The following RUFY3 variants were observed in gnomAD, a reference collection of about 807,000 sequenced individuals.
RUFY3 encodes the protein protein RUFY3.
In RUFY3, 34 loss-of-function variants were observed where a neutral mutation model predicts 84.0. That is an observed-to-expected ratio of 0.40 (90% CI 0.31 to 0.54). The LOEUF (loss-of-function observed/expected upper bound fraction) is 0.54. Among genes scored for constraint, RUFY3 ranks in the 20% least tolerant of loss-of-function variants. The pLI, the probability that RUFY3 is intolerant of heterozygous loss-of-function variation, is 0.39. For missense variants in RUFY3, 507 were observed against 736.8 expected, an observed-to-expected ratio of 0.69 and a Z score of 3.61; for synonymous variants, 242 against 252.9, an observed-to-expected ratio of 0.96 and a Z score of 0.41.
intron 1 of RUFY3, among the ~76,000 whole-genome samples, chr4:70,748,734 G>T (rs765369702): frequency 1.3e-5 from 2 of 152,178 alleles, no homozygotes; most frequent in African/African-American, 2.4e-5. Flanking sequence ...TGCTTCACAC[G>T]TGGTAGGTTT....
intron 7 of RUFY3, among the ~76,000 whole-genome samples, chr4:70,776,549 C>T (rs1193956936): frequency 5.9e-5 from 9 of 152,068 alleles, no homozygotes; most frequent in African/African-American, 1.7e-4. Context: ...CCGAGGCAGG[C>T]GGATCACAAG....
chr4:70,742,807 A>G (rs921677808), intron 1 of RUFY3, among the ~76,000 whole-genome samples: 1 of 152,190 alleles, frequency 6.6e-6, no homozygotes, highest in Admixed American at 6.6e-5. Flanking sequence ...TTGATGCCCA[A>G]GAGTATCTTC....
chr4:70,794,735 A>T, intron 13 of RUFY3, 60 bp from the exon 14 acceptor site: 1 of 1,096,590 alleles, frequency 9.1e-7, no homozygotes, highest in Non-Finnish European at 1.4e-6. Context: ...GGCATTCTTT[A>T]GAGAATATGT....
chr4:70,756,704 A>G (rs6446768), intron 1 of RUFY3, among the ~76,000 whole-genome samples: 26,203 of 152,004 alleles, frequency 0.17, 4,593 homozygotes, highest in African/African-American at 0.45. Context: ...GGCCCCTAAA[A>G]TTGAAGGAAA....
intron 1 of RUFY3, among the ~76,000 whole-genome samples, chr4:70,752,715 A>AT (rs1417448446): frequency 6.6e-6 from 1 of 152,160 alleles, no homozygotes; most frequent in African/African-American, 2.4e-5. Context: ...TATTACACTG[A>AT]TTGAGTTTTG....
chr4:70,772,305 G>A (rs1160845044), intron 5 of RUFY3, among the ~76,000 whole-genome samples: 1 of 151,960 alleles, frequency 6.6e-6, no homozygotes, highest in Non-Finnish European at 1.5e-5. Flanking sequence ...AGCCCTCTGC[G>A]TCCTTGGATT....
intron 4 of RUFY3, among the ~76,000 whole-genome samples, chr4:70,764,853 A>G (rs373436873): frequency 7.9e-5 from 12 of 152,286 alleles, no homozygotes; most frequent in East Asian, 5.8e-4. Context: ...CCCAGGCTCA[A>G]TAAGACAAGA....
At position 70,784,864 on chromosome 4, in the gene RUFY3, G is replaced by A; in HGVS notation, c.1056G>A (p.Glu352=). 1 of 1,603,604 alleles carries A rather than the reference G, an allele frequency of 6.2e-7. No homozygotes were observed. Among genetic ancestry groups the A allele is most frequent in the Non-Finnish European group, 8.5e-7 (1 of 1,175,254 alleles). ...AAGCAAGAAAGCATTTAAAAGAAGAGACACAATTACGATTGGTAAACTATG... is the reference window on the plus strand; with the variant it reads ...AAGCAAGAAAGCATTTAAAAGAAGAAACACAATTACGATTGGTAAACTATG... The part of the protein sequence containing the change: ...LSEARKHLKE[E]TQLRLDVEKE... Residue 352 remains glutamate (E), a synonymous_variant, in exon 10 of 18, where the codon GAG becomes GAA. Transcript: ENST00000381006.
intron 15 of RUFY3, among the ~76,000 whole-genome samples, 187 bp downstream of exon 15, chr4:70,800,392 G>A (rs1318780488): frequency 1.3e-5 from 2 of 152,114 alleles, no homozygotes; most frequent in African/African-American, 2.4e-5. Flanking sequence ...AAACCCATTA[G>A]GCCATTTCAG....
intron 10 of RUFY3, among the ~76,000 whole-genome samples, chr4:70,787,190 ATAT>A (rs1730002987): frequency 0.01 from 657 of 64,116 alleles, 16 homozygotes; most frequent in African/African-American, 0.038. Flanking sequence ...AAAAAAAAAT[ATAT>A]ATATATATAT....
chr4:70,720,475 C>T (rs556609411), upstream of RUFY3, among the ~76,000 whole-genome samples: 7 of 152,188 alleles, frequency 4.6e-5, no homozygotes, highest in Admixed American at 1.3e-4. Flanking sequence ...TGAGCCACCG[C>T]GCCCAGCCAT....
chr4:70,736,106 A>G (rs1720235084), intron 1 of RUFY3, among the ~76,000 whole-genome samples: 1 of 148,776 alleles, frequency 6.7e-6, no homozygotes, highest in Non-Finnish European at 1.5e-5. Flanking sequence ...GTGAGCTGTG[A>G]TTGCGCCACA....
intron 12 of RUFY3, chr4:70,791,458 G>A (rs752686158): frequency 2.7e-4 from 377 of 1,373,046 alleles, no homozygotes; most frequent in Non-Finnish European, 3.4e-4. Flanking sequence ...TGGAAATATA[G>A]GTTGGGTTTT....
chr4:70,715,588 CAAAAAAAAA>C (rs886636641), intron 1 of RUFY3, among the ~76,000 whole-genome samples: 1 of 46,666 alleles, frequency 2.1e-5, no homozygotes, highest in Non-Finnish European at 4.1e-5. Context: ...ACACTATCTC[CAAAAAAAAA>C]AAAAAAAAAA....
chr4:70,752,739 C>CCTTG (rs1723335265), intron 1 of RUFY3, among the ~76,000 whole-genome samples: 1 of 152,144 alleles, frequency 6.6e-6, no homozygotes, highest in African/African-American at 2.4e-5. Flanking sequence ...GTTGGACCGA[C>CCTTG]CTTGCATTCT....
chr4:70,758,899 C>T (rs1724504474), intron 1 of RUFY3, among the ~76,000 whole-genome samples: 1 of 151,728 alleles, frequency 6.6e-6, no homozygotes, highest in East Asian at 1.9e-4. Flanking sequence ...ATTAGCCCAG[C>T]GTGGTGTGGG....
intron 1 of RUFY3, among the ~76,000 whole-genome samples, chr4:70,749,557 A>G (rs1484130947): frequency 6.6e-6 from 1 of 151,676 alleles, no homozygotes; most frequent in Non-Finnish European, 1.5e-5. Context: ...ACGGAGGTAG[A>G]AGAAACTACA....
chr4:70,775,065 A>AT lies in RUFY3; in HGVS notation c.759-96dup, dbSNP rs1245581284. ...TATGGTTCAGTGTATCTGTGCCACAATTTTTTTCTCATGTTTTATGAAAAG... is the reference window on the plus strand; with the variant it reads ...TATGGTTCAGTGTATCTGTGCCACAATTTTTTTTCTCATGTTTTATGAAAAG... On this transcript the variant is annotated intron_variant, in intron 6 of 17. Coordinates refer to ENST00000381006, the MANE Select transcript of RUFY3 (RefSeq NM_001037442.4). 1.4e-5 allele frequency: 10 copies of AT among 695,086 alleles called. No homozygotes were observed. In the Admixed American group the frequency reaches 2.4e-4, roughly 17 times the overall value. 43.1% of individuals were successfully genotyped at this position (695,086 alleles called of 1,614,324 possible).
At chr4:70,792,496 A>C (rs770657797) in intron 12 of RUFY3, 18 of 985,088 alleles carry the variant, frequency 1.8e-5, no homozygotes, top group Non-Finnish European at 2.2e-5. Flanking sequence ...AAATAATCCT[A>C]TAAACAGTTT....
Sources: allele counts gnomAD v4.1 joint callset (sites outside exome capture counted in the v4.1 genomes callset), GRCh38; gene constraint gnomAD v4.1.1; transcripts MANE v1.5; gene names NCBI Gene and HGNC (gene_info 2026-07-23, HGNC 2026-07-21).